The following SCFD2 variants were observed in gnomAD, a reference collection of about 807,000 sequenced individuals.
SCFD2 encodes sec1 family domain-containing protein 2.
In SCFD2, 54 loss-of-function variants were observed where a neutral mutation model predicts 58.9. That is an observed-to-expected ratio of 0.92 (90% CI 0.74 to 1.15). The LOEUF (loss-of-function observed/expected upper bound fraction) is 1.15, where lower values mean the gene tolerates loss of function less well. SCFD2 is among the 50% of genes most tolerant of loss of function. SCFD2 has a pLI of 0.00. For missense variants in SCFD2, 805 were observed against 836.6 expected, an observed-to-expected ratio of 0.96 and a Z score of 0.47; for synonymous variants, 321 against 335.9, an observed-to-expected ratio of 0.96 and a Z score of 0.49.
At chr4:53,253,061 AC>A in intron 4 of SCFD2, among the ~76,000 whole-genome samples, 1 of 152,318 alleles carries the variant, frequency 6.6e-6, no homozygotes, top group South Asian at 2.1e-4. Context: ...AAACAACCCC[AC>A]CAAAAAGTGG....
intron 4 of SCFD2, among the ~76,000 whole-genome samples, chr4:53,216,176 G>T (rs1728824779): frequency 6.6e-6 from 1 of 152,174 alleles, no homozygotes; most frequent in Non-Finnish European, 1.5e-5. Context: ...GAGTTAGGGA[G>T]GATTCCTCCT....
Position 53,365,383 on chromosome 4 carries a change from G to T in SCFD2, c.559C>A (p.Leu187Ile). Reference sequence around the variant, plus strand: ...CTCTTGTCCGGTCGGGCGCTATTAAGGAGGTGCACATCCTGGGGTAGCAGT... The same window carrying T: ...CTCTTGTCCGGTCGGGCGCTATTAATGAGGTGCACATCCTGGGGTAGCAGT... Reference protein sequence around the residue: ...FPLLPQDVHLLNSARPDKRKL... With the variant: ...FPLLPQDVHLINSARPDKRKL... The change falls in exon 1 of 9, where the codon CTT (leucine) becomes ATT (isoleucine). Residue 187 changes from leucine to isoleucine, a missense_variant. Coordinates refer to ENST00000401642, the MANE Select transcript of SCFD2 (RefSeq NM_152540.4). This position sits in a 1 kb window ranked among gnomAD's most constrained non-coding sequence, Gnocchi z 4.3. 1 of 1,614,156 alleles carries T rather than the reference G, an allele frequency of 6.2e-7. No homozygotes were observed. Among genetic ancestry groups the T allele is most frequent in the South Asian group, 1.1e-5 (1 of 91,082 alleles).
At position 53,314,160 on chromosome 4, in the gene SCFD2, A is replaced by G. The variant is rs79027087; in HGVS notation, c.1008-397T>C. 8.5e-3 allele frequency among the ~76,000 whole-genome samples: 1,302 copies of G among 152,364 alleles called. 12 individuals carry two copies. Among genetic ancestry groups the G allele is most frequent in the African/African-American group, 0.03 (1,240 of 41,588 alleles). Reference sequence around the variant, plus strand: ...TGATTTATCAGTGATTATAAGCACTATATCAATTCGAGATTAAATACTTGT... The same window carrying G: ...TGATTTATCAGTGATTATAAGCACTGTATCAATTCGAGATTAAATACTTGT... On this transcript the variant is annotated intron_variant, in intron 2 of 8. Coordinates refer to ENST00000401642, the MANE Select transcript of SCFD2 (RefSeq NM_152540.4).
intron 5 of SCFD2, among the ~76,000 whole-genome samples, chr4:52,985,478 A>C (rs1043070555): frequency 6.6e-6 from 1 of 152,098 alleles, no homozygotes; most frequent in Admixed American, 6.6e-5. Flanking sequence ...TAAAATGCTA[A>C]TATCATCTTT....
rs1218644486 is a variant in SCFD2, at chr4:53,083,646, T to C, written c.1561+61687A>G. 2.0e-5 allele frequency among the ~76,000 whole-genome samples: 3 copies of C among 152,162 alleles called. No homozygotes were observed. The South Asian group carries it at 6.2e-4, about 32-fold the overall frequency. On this transcript the variant is annotated intron_variant, in intron 5 of 8. Transcript: ENST00000401642. ...CCAATATTTCAACATAGGTTCTTTC[T>C]ATTTTCCATTAAGTGTCAGCCAGCT...
At chr4:53,243,387 T>C (rs961687988) in intron 4 of SCFD2, among the ~76,000 whole-genome samples, 67 of 152,124 alleles carry the variant, frequency 4.4e-4, no homozygotes, top group Non-Finnish European at 8.1e-4. Flanking sequence ...CTAAGCTTTA[T>C]AAGCAAAGAA....
intron 4 of SCFD2, among the ~76,000 whole-genome samples, chr4:53,194,300 C>T (rs80341917): frequency 0.013 from 2,045 of 152,218 alleles, 45 homozygotes; most frequent in African/African-American, 0.047. Flanking sequence ...ACTACTACCA[C>T]TATGTTAGCT....
chr4:53,334,972 G>A (rs907271202), intron 2 of SCFD2, among the ~76,000 whole-genome samples: 1 of 152,020 alleles, frequency 6.6e-6, no homozygotes, highest in African/African-American at 2.4e-5. Context: ...CAAGGCAGGT[G>A]GATCACTTGA....
chr4:53,254,375 C>A (rs1439799920), intron 4 of SCFD2, among the ~76,000 whole-genome samples: 1 of 152,194 alleles, frequency 6.6e-6, no homozygotes, highest in Non-Finnish European at 1.5e-5. Context: ...ATCCTGCCAC[C>A]CTGTGAAGAA....
chr4:53,130,157 T>G (rs151115655), intron 5 of SCFD2, among the ~76,000 whole-genome samples: 1,856 of 152,268 alleles, frequency 0.012, 14 homozygotes, highest in Middle Eastern at 0.048. Flanking sequence ...AAAGTATGAC[T>G]TCTGTAATAA....
At chr4:53,333,310 G>A (rs1733557757) in intron 2 of SCFD2, among the ~76,000 whole-genome samples, 2 of 148,502 alleles carry the variant, frequency 1.3e-5, no homozygotes, top group Admixed American at 6.8e-5. Flanking sequence ...TAAGCCAAAA[G>A]AACAAAGCTG....
At chr4:53,101,645 A>G (rs144656168) in intron 5 of SCFD2, among the ~76,000 whole-genome samples, 1 of 152,314 alleles carries the variant, frequency 6.6e-6, no homozygotes, top group African/African-American at 2.4e-5. Flanking sequence ...TGCAACAACA[A>G]TGGAAAAAAG....
intron 4 of SCFD2, among the ~76,000 whole-genome samples, chr4:53,207,797 A>G (rs1423552533): frequency 6.0e-5 from 9 of 149,788 alleles, no homozygotes; most frequent in Non-Finnish European, 1.3e-4. Flanking sequence ...GGGCCATGTG[A>G]AAACATGTCT....
intron 3 of SCFD2, among the ~76,000 whole-genome samples, chr4:53,299,055 A>G (rs1400442899): frequency 6.6e-6 from 1 of 152,244 alleles, no homozygotes; most frequent in Non-Finnish European, 1.5e-5. Context: ...CCTCCAAAGG[A>G]ATGCAGCTCC....
At chr4:53,040,701 C>T (rs1251366610) in intron 5 of SCFD2, among the ~76,000 whole-genome samples, 1 of 152,146 alleles carries the variant, frequency 6.6e-6, no homozygotes, top group East Asian at 1.9e-4. Flanking sequence ...TAAGTTCTTC[C>T]AATGCATGCT....
intron 5 of SCFD2, among the ~76,000 whole-genome samples, chr4:53,113,410 C>G (rs1412159300): frequency 1.3e-5 from 2 of 152,012 alleles, no homozygotes; most frequent in Non-Finnish European, 2.9e-5. Flanking sequence ...GTAAGGGGGA[C>G]AAAAATACTG....
In SCFD2 at chr4:53,258,538, GTATATATATATATATATATATATA is replaced by G. The variant is rs59321045; in HGVS notation, c.1311+15264_1311+15287del. 1.5e-4 allele frequency among the ~76,000 whole-genome samples: 18 copies of G among 119,944 alleles called. 1 individual carries two copies. Among genetic ancestry groups the G allele is most frequent in the African/African-American group, 2.4e-4 (7 of 29,278 alleles). 78.7% of individuals were successfully genotyped at this position (119,944 alleles called of 152,430 possible). ...CTAAGTCGTATTCCATGGTGTGTGT[GTATATATATATATATATATATATA>G]TATATATATATATATACACACACAT... On this transcript the variant is annotated intron_variant, in intron 4 of 8. Transcript: ENST00000401642.
chr4:53,235,657 GA>G (rs1321810666), intron 4 of SCFD2, among the ~76,000 whole-genome samples: 2 of 152,218 alleles, frequency 1.3e-5, no homozygotes, highest in African/African-American at 2.4e-5. Context: ...CCAGCTATGT[GA>G]AGAGAAAGTA....
rs566355809 is a variant in SCFD2 at position 53,300,067 on chromosome 4, C to T, written c.1135+13569G>A. On this transcript the variant is annotated intron_variant, in intron 3 of 8. Transcript: ENST00000401642. ...AACGAGCAAAAAAACTAGCTAACATCATAATGACAGGATCAAATTCACACA... is the reference window on the plus strand; with the variant it reads ...AACGAGCAAAAAAACTAGCTAACATTATAATGACAGGATCAAATTCACACA... 6.6e-5 allele frequency among the ~76,000 whole-genome samples: 10 copies of T among 152,272 alleles called. No individual in the cohort carries two copies. The South Asian group carries it at 2.1e-3, about 32-fold the overall frequency.
Sources: allele counts gnomAD v4.1 joint callset (sites outside exome capture counted in the v4.1 genomes callset), GRCh38; gene constraint gnomAD v4.1.1; non-coding constraint Gnocchi (gnomAD v3.1); transcripts MANE v1.5; gene names NCBI Gene and HGNC (gene_info 2026-07-23, HGNC 2026-07-21).